Variants in BMAL1 observed in about 807,000 individuals in gnomAD.
The protein encoded by BMAL1 is basic helix-loop-helix ARNT like 1, also known as basic helix-loop-helix ARNT-like protein 1.
At chr11:13,375,860 A>G in the BMAL1 span, 6 of 1,193,282 alleles carry the variant, frequency 5.0e-6, no homozygotes, top group African/African-American at 1.6e-5. Context: ...CCAGTATCAC[A>G]TCCTTTAATG....
the BMAL1 span, among the ~76,000 whole-genome samples, chr11:13,336,189 T>TC: frequency 6.6e-6 from 1 of 152,206 alleles, no homozygotes; most frequent in African/African-American, 2.4e-5. Context: ...TTTTGATGTT[T>TC]CCCCTGTCCC....
At chr11:13,282,828 G>A in the BMAL1 span, among the ~76,000 whole-genome samples, 2 of 152,252 alleles carry the variant, frequency 1.3e-5, no homozygotes, top group African/African-American at 2.4e-5. Flanking sequence ...GGCACAGGGA[G>A]CCTTTAGGCC....
the BMAL1 span, chr11:13,372,249 G>A: frequency 3.1e-6 from 5 of 1,614,144 alleles, no homozygotes; most frequent in African/African-American, 1.3e-5. Context: ...TGAAGACAAC[G>A]AACCAGACAA....
the BMAL1 span, chr11:13,356,248 C>G: frequency 6.6e-6 from 3 of 457,146 alleles, no homozygotes; most frequent in Middle Eastern, 3.2e-4. Context: ...CTGCTCAGTA[C>G]TTTGTTGGTA....
chr11:13,374,367 C>G, the BMAL1 span, among the ~76,000 whole-genome samples: 29 of 152,324 alleles, frequency 1.9e-4, 1 homozygote, highest in Admixed American at 1.9e-3. Flanking sequence ...TACCTGCAGG[C>G]ACTGTTTATC....
chr11:13,385,832 C>A, the BMAL1 span: 1 of 1,451,534 alleles, frequency 6.9e-7, no homozygotes, highest in Non-Finnish European at 9.7e-7. Flanking sequence ...AATGAGCTTG[C>A]AAAACATCTT....
At chr11:13,280,200 G>A in the BMAL1 span, among the ~76,000 whole-genome samples, 148 of 152,366 alleles carry the variant, frequency 9.7e-4, no homozygotes, top group Non-Finnish European at 1.8e-3. Context: ...TCAACAGATG[G>A]TGTTTTGAAG....
chr11:13,356,416 A>G, the BMAL1 span: 161 of 548,144 alleles, frequency 2.9e-4, 4 homozygotes, highest in South Asian at 2.5e-3. Flanking sequence ...TTTCAATCCT[A>G]TGGTTAACTA....
chr11:13,294,465 A>G, the BMAL1 span, among the ~76,000 whole-genome samples: 5 of 152,262 alleles, frequency 3.3e-5, no homozygotes, highest in African/African-American at 1.2e-4. Flanking sequence ...CTCACAAATT[A>G]ACACTCTCAA....
chr11:13,277,399 G>T, the BMAL1 span, among the ~76,000 whole-genome samples: 1 of 152,174 alleles, frequency 6.6e-6, no homozygotes, highest in Non-Finnish European at 1.5e-5. Context: ...GCTAGTGGGA[G>T]ACCTGAGGGG....
chr11:13,385,161 G>A, the BMAL1 span, among the ~76,000 whole-genome samples: 1 of 152,180 alleles, frequency 6.6e-6, no homozygotes, highest in Non-Finnish European at 1.5e-5. Flanking sequence ...CTCTTACTGA[G>A]TAGTAGTAAT....
the BMAL1 span, chr11:13,355,365 G>A: frequency 6.8e-7 from 1 of 1,468,766 alleles, no homozygotes; most frequent in South Asian, 1.1e-5. Flanking sequence ...GGGCTGTGAG[G>A]GCGTTCTTCC....
chr11:13,285,811 A>G, the BMAL1 span, among the ~76,000 whole-genome samples: 1 of 152,222 alleles, frequency 6.6e-6, no homozygotes, highest in Non-Finnish European at 1.5e-5. Context: ...TAGTAATTTT[A>G]TAAAATAATA....
At chr11:13,322,778 CTTTTTTTTTTTT>C in the BMAL1 span, among the ~76,000 whole-genome samples, 6 of 50,348 alleles carry the variant, frequency 1.2e-4, no homozygotes, top group South Asian at 1.6e-3. Context: ...GTGAGCAAGT[CTTTTTTTTTTTT>C]TTTTTTTTTT....
the BMAL1 span, among the ~76,000 whole-genome samples, chr11:13,372,737 GGA>G: frequency 6.6e-6 from 1 of 152,134 alleles, no homozygotes; most frequent in Non-Finnish European, 1.5e-5. Flanking sequence ...CTGAGCCTCG[GGA>G]GGTCAAGGCT....
the BMAL1 span, among the ~76,000 whole-genome samples, chr11:13,328,554 G>A: frequency 6.2e-4 from 95 of 152,196 alleles, no homozygotes; most frequent in African/African-American, 2.2e-3. Context: ...TTGAGGCCCC[G>A]CAGAAAGAAA....
the BMAL1 span, among the ~76,000 whole-genome samples, chr11:13,370,791 T>C: frequency 2.0e-5 from 3 of 152,206 alleles, no homozygotes; most frequent in Non-Finnish European, 4.4e-5. Flanking sequence ...TTCCCTATTG[T>C]TCTTGAAGAA....
At chr11:13,363,245 C>T in the BMAL1 span, among the ~76,000 whole-genome samples, 2 of 148,966 alleles carry the variant, frequency 1.3e-5, no homozygotes, top group East Asian at 2.0e-4. Context: ...TGCAGTGGCA[C>T]GTGCTTAATC....
the BMAL1 span, among the ~76,000 whole-genome samples, chr11:13,315,025 A>G: frequency 6.6e-6 from 1 of 152,074 alleles, no homozygotes; most frequent in Non-Finnish European, 1.5e-5. Context: ...TTCACTTCCT[A>G]TCTCTGCCAG....
Sources: gnomAD v4.1 joint callset for allele counts (sites outside exome capture counted in the v4.1 genomes callset) on GRCh38, gnomAD v4.1.1 for gene constraint, MANE v1.5 for transcripts, NCBI Gene and HGNC (gene_info 2026-07-23, HGNC 2026-07-21) for gene names.